The following STK32B variants were observed in gnomAD, a reference collection of about 807,000 sequenced individuals.
STK32B encodes the protein serine/threonine kinase 32B.
STK32B carries 43 observed loss-of-function variants against 52.6 expected under a neutral mutation model. The observed-to-expected ratio is 0.82, with a 90% CI of 0.64 to 1.05. The LOEUF (loss-of-function observed/expected upper bound fraction) is 1.05. STK32B is among the 50% of genes least tolerant of loss of function. The probability of loss-of-function intolerance (pLI) is 0.00; values close to 1 mark genes in which losing one functional copy is unlikely to be tolerated. For synonymous variants in STK32B, 238 were observed against 204.3 expected (o/e 1.17, Z -1.41); for missense variants, 621 against 534.6 (o/e 1.16, Z -1.59).
intron 3 of STK32B, among the ~76,000 whole-genome samples, chr4:5,314,108 G>C (rs545347996): frequency 7.3e-6 from 1 of 137,200 alleles, no homozygotes; most frequent in Admixed American, 6.8e-5. Context: ...GTCTATAATA[G>C]CTAAGCAATT....
intron 1 of STK32B, among the ~76,000 whole-genome samples, chr4:5,112,969 C>T (rs1310830455): frequency 6.6e-6 from 1 of 152,106 alleles, no homozygotes; most frequent in African/African-American, 2.4e-5. Flanking sequence ...GGCAAATATG[C>T]TACTTCTTAA....
chr4:5,462,278 GTGTA>G (rs1362982080), intron 9 of STK32B, among the ~76,000 whole-genome samples: 11 of 151,626 alleles, frequency 7.3e-5, no homozygotes, highest in Non-Finnish European at 2.9e-5. Context: ...ATGTGTGTGT[GTGTA>G]TGTGTCTGTG....
intron 11 of STK32B, among the ~76,000 whole-genome samples, chr4:5,482,111 A>G (rs191877243): frequency 0.01 from 1,563 of 152,212 alleles, 28 homozygotes; most frequent in African/African-American, 0.035. Flanking sequence ...GTTTTTTCCA[A>G]TTCTGAGAAG....
At chr4:5,311,914 A>T (rs187737804) in intron 3 of STK32B, among the ~76,000 whole-genome samples, 1,501 of 145,476 alleles carry the variant, frequency 0.01, 6 homozygotes, top group African/African-American at 0.014. Context: ...ATATATATAT[A>T]TTTTTTTTTA....
At chr4:5,241,995 G>C (rs974709728) in intron 3 of STK32B, among the ~76,000 whole-genome samples, 2 of 152,138 alleles carry the variant, frequency 1.3e-5, no homozygotes, top group Non-Finnish European at 2.9e-5. Context: ...ATTTGGGTTG[G>C]TTCCAAGTCT....
At chr4:5,136,648 C>T (rs1037842912) in intron 1 of STK32B, among the ~76,000 whole-genome samples, 3 of 152,184 alleles carry the variant, frequency 2.0e-5, no homozygotes, top group African/African-American at 4.8e-5. Context: ...CTCTCACACC[C>T]CCCAGCCAAT....
chr4:5,203,390 TC>T (rs1722307832), intron 3 of STK32B, among the ~76,000 whole-genome samples: 2 of 152,250 alleles, frequency 1.3e-5, no homozygotes, highest in South Asian at 2.1e-4. Flanking sequence ...TGCAGCTCTT[TC>T]CCCTCCACAC....
intron 11 of STK32B, among the ~76,000 whole-genome samples, chr4:5,490,608 G>A (rs1451556385): frequency 6.6e-6 from 1 of 151,466 alleles, no homozygotes; most frequent in African/African-American, 2.4e-5. Flanking sequence ...AAGTTTTAGG[G>A]TACATGTGCA....
Position 5,482,982 on chromosome 4 carries a change from G to A in STK32B, c.1106+14912G>A, listed in dbSNP as rs185035924. Among the ~76,000 whole-genome samples, 211 of 152,204 alleles carry A rather than the reference G, an allele frequency of 1.4e-3. 1 individual carries two copies. Among genetic ancestry groups the A allele is most frequent in the African/African-American group, 4.9e-3 (203 of 41,518 alleles). ...AGCTTTTTGATGTGCTGCTGGATTC[G>A]GTTTGCCAGTATTTTACTGAGGATT... is the stretch of plus-strand genomic sequence containing the variant. On this transcript the variant is annotated intron_variant, in intron 11 of 11. Transcript: ENST00000282908.
intron 3 of STK32B, among the ~76,000 whole-genome samples, chr4:5,241,822 C>A (rs575860913): frequency 6.6e-6 from 1 of 152,176 alleles, no homozygotes; most frequent in Admixed American, 6.5e-5. Context: ...TGAGAACATG[C>A]GGTGTTTGGT....
chr4:5,156,953 CTT>C (rs1717905052), intron 2 of STK32B, among the ~76,000 whole-genome samples: 1 of 151,972 alleles, frequency 6.6e-6, no homozygotes, highest in Non-Finnish European at 1.5e-5. Flanking sequence ...AGGAAAGACT[CTT>C]TGCAGGCTCT....
intron 6 of STK32B, among the ~76,000 whole-genome samples, chr4:5,426,562 C>T (rs1713111962): frequency 6.6e-6 from 1 of 151,840 alleles, no homozygotes; most frequent in Admixed American, 6.6e-5. Flanking sequence ...AAAAAATTAA[C>T]TGGGTGTGGT....
the STK32B span, among the ~76,000 whole-genome samples, chr4:5,041,930 G>A: frequency 3.3e-5 from 5 of 151,936 alleles, no homozygotes; most frequent in South Asian, 4.2e-4. Flanking sequence ...TAACATAAAC[G>A]ATAACAAAAT....
chr4:5,139,900 T>C lies in STK32B; in HGVS notation c.53-5T>C. On this transcript the variant is annotated splice_polypyrimidine_tract_variant and splice_region_variant and intron_variant, in intron 1 of 11. Coordinates refer to ENST00000282908, the MANE Select transcript of STK32B (RefSeq NM_018401.3). ...ACTTGTTTCCTTTTTTGTTTTCTTTTGCAGTCAACTTTGACCATTTTCAGA... is the reference window on the plus strand; with the variant it reads ...ACTTGTTTCCTTTTTTGTTTTCTTTCGCAGTCAACTTTGACCATTTTCAGA... The C allele has an allele frequency of 6.2e-7, 1 of 1,614,202 alleles. No homozygotes were observed. The highest frequency in any genetic ancestry group is 1.3e-5 in the African/African-American group (1 of 75,056).
At chr4:5,140,007 A>G (rs746344604) in intron 2 of STK32B, 47 bp downstream of exon 2, 1 of 1,608,352 alleles carries the variant, frequency 6.2e-7, no homozygotes, top group South Asian at 1.1e-5. Flanking sequence ...ATGTGTGTAT[A>G]TTTGTGTGTC....
At chr4:5,140,017 CTG>C in intron 2 of STK32B, 57 bp downstream of exon 2, 1 of 1,600,320 alleles carries the variant, frequency 6.2e-7, no homozygotes, top group Non-Finnish European at 8.6e-7. Context: ...ATTTGTGTGT[CTG>C]TGTGTTGGTT....
intron 11 of STK32B, among the ~76,000 whole-genome samples, chr4:5,482,319 T>A (rs1718783668): frequency 1.3e-5 from 2 of 152,192 alleles, no homozygotes; most frequent in South Asian, 4.1e-4. Flanking sequence ...TAAGTTGGAT[T>A]TCTAGGTATT....
At chr4:5,303,225 A>G (rs1444665458) in intron 3 of STK32B, among the ~76,000 whole-genome samples, 1 of 152,070 alleles carries the variant, frequency 6.6e-6, no homozygotes, top group Non-Finnish European at 1.5e-5. Flanking sequence ...ATCAAATGGT[A>G]GATCTGCTTT....
intron 3 of STK32B, among the ~76,000 whole-genome samples, chr4:5,200,923 C>G (rs1019437272): frequency 1.3e-5 from 2 of 152,176 alleles, no homozygotes; most frequent in African/African-American, 4.8e-5. Context: ...AGGGTTGAAA[C>G]CTTGAAGCCA....
Sources: gnomAD v4.1 joint callset for allele counts (sites outside exome capture counted in the v4.1 genomes callset) on GRCh38, gnomAD v4.1.1 for gene constraint, MANE v1.5 for transcripts, NCBI Gene and HGNC (gene_info 2026-07-23, HGNC 2026-07-21) for gene names.